Variants in FHIT observed in about 807,000 individuals in gnomAD.
The protein encoded by FHIT is bis(5'-adenosyl)-triphosphatase.
Under a neutral mutation model 17.9 loss-of-function variants are expected in FHIT, and 19 were observed. That is an observed-to-expected ratio of 1.06 (90% confidence interval 0.74 to 1.56). The LOEUF is 1.56. Ranked by LOEUF, FHIT falls within the 40% of genes most tolerant of loss-of-function variation. The pLI is 0.00. For missense variants in FHIT, 248 were observed against 189.2 expected (o/e 1.31, Z -1.82); for synonymous variants, 81 against 69.7 (o/e 1.16, Z -0.81).
At chr3:60,590,779 G>T (rs782582611) in intron 4 of FHIT, among the ~76,000 whole-genome samples, 1 of 152,066 alleles carries the variant, frequency 6.6e-6, no homozygotes, top group Non-Finnish European at 1.5e-5. Context: ...CAGAGACCCT[G>T]CACTCGAGTT....
chr3:59,946,943 T>C lies in FHIT; in HGVS notation c.280-24529A>G, dbSNP rs531039356. Reference sequence around the variant, plus strand: ...ATTTGGTTGCGGATTTTTATATCTATGTTCATCAAAGATACTGGCCTGAAC... The same window carrying C: ...ATTTGGTTGCGGATTTTTATATCTACGTTCATCAAAGATACTGGCCTGAAC... On this transcript the variant is annotated intron_variant, in intron 7 of 9. Transcript: ENST00000492590. Among the ~76,000 whole-genome samples the C allele has an allele frequency of 1.9e-4, 29 of 152,354 alleles. No homozygotes were observed. The South Asian group carries it at 6.0e-3, about 32-fold the overall frequency.
chr3:60,667,797 C>T (rs1553692842), intron 4 of FHIT, among the ~76,000 whole-genome samples: 1 of 152,122 alleles, frequency 6.6e-6, no homozygotes, highest in Non-Finnish European at 1.5e-5. Context: ...CTACTTTTAT[C>T]AGCTGTGGCT....
intron 8 of FHIT, among the ~76,000 whole-genome samples, chr3:59,882,606 A>G (rs918734004): frequency 2.0e-5 from 3 of 152,180 alleles, no homozygotes; most frequent in South Asian, 4.1e-4. Flanking sequence ...GAAGTCTGGC[A>G]AGGAAAGTAG....
At chr3:60,885,701 T>C (rs1705191864) in intron 3 of FHIT, among the ~76,000 whole-genome samples, 1 of 152,146 alleles carries the variant, frequency 6.6e-6, no homozygotes, top group Non-Finnish European at 1.5e-5. Context: ...TTCTGATACA[T>C]CATGAGCTTA....
chr3:59,948,515 TA>T (rs550720543), intron 7 of FHIT, among the ~76,000 whole-genome samples: 1,632 of 150,422 alleles, frequency 0.011, 32 homozygotes, highest in African/African-American at 0.038. Flanking sequence ...AGATTCTGTC[TA>T]AAAAAAATAA....
At chr3:60,476,175 G>A (rs890726819) in intron 5 of FHIT, among the ~76,000 whole-genome samples, 4 of 152,140 alleles carry the variant, frequency 2.6e-5, no homozygotes, top group Non-Finnish European at 4.4e-5. Context: ...GTTATTTAAC[G>A]TACCTGAGCC....
chr3:60,864,432 T>C (rs1229243359), intron 3 of FHIT, among the ~76,000 whole-genome samples: 1 of 152,242 alleles, frequency 6.6e-6, no homozygotes, highest in East Asian at 1.9e-4. Flanking sequence ...CATTGTGCTG[T>C]CTCTCATTGC....
intron 5 of FHIT, among the ~76,000 whole-genome samples, chr3:60,064,433 AT>A (rs1388824617): frequency 6.6e-6 from 1 of 152,174 alleles, no homozygotes; most frequent in African/African-American, 2.4e-5. Flanking sequence ...TCTATCTTGC[AT>A]TTGAAAATAT....
chr3:61,209,456 A>G (rs951733880), intron 1 of FHIT, among the ~76,000 whole-genome samples: 5 of 152,214 alleles, frequency 3.3e-5, no homozygotes, highest in African/African-American at 7.2e-5. Context: ...AGGTACACCA[A>G]TCAGACATAG....
At chr3:59,754,052 C>A (rs1701068454) in intron 8 of FHIT, among the ~76,000 whole-genome samples, 1 of 151,984 alleles carries the variant, frequency 6.6e-6, no homozygotes, top group Non-Finnish European at 1.5e-5. Context: ...CTATCTCAGG[C>A]CCCAAACTCT....
At chr3:60,327,389 C>G (rs1460373641) in intron 5 of FHIT, among the ~76,000 whole-genome samples, 1 of 152,204 alleles carries the variant, frequency 6.6e-6, no homozygotes, top group Non-Finnish European at 1.5e-5. Flanking sequence ...GCCATACAAT[C>G]TCTGCTGTGC....
chr3:60,643,646 G>C (rs1223531198), intron 4 of FHIT, among the ~76,000 whole-genome samples: 5 of 152,130 alleles, frequency 3.3e-5, no homozygotes, highest in African/African-American at 9.7e-5. Context: ...ATAGGTTTTA[G>C]ATATGTCAAA....
At chr3:60,572,467 T>C (rs892260429) in intron 4 of FHIT, among the ~76,000 whole-genome samples, 2 of 152,112 alleles carry the variant, frequency 1.3e-5, no homozygotes, top group Non-Finnish European at 2.9e-5. Context: ...AAAAAGAGAC[T>C]GTTGATAACA....
At chr3:59,791,798 G>A (rs1289633522) in intron 8 of FHIT, among the ~76,000 whole-genome samples, 1 of 152,150 alleles carries the variant, frequency 6.6e-6, no homozygotes, top group Non-Finnish European at 1.5e-5. Context: ...TAAGGGCTAT[G>A]TATCTTTTGG....
intron 5 of FHIT, among the ~76,000 whole-genome samples, chr3:60,390,414 A>C (rs1559876166): frequency 2.4e-5 from 3 of 127,180 alleles, no homozygotes; most frequent in East Asian, 2.4e-4. Context: ...AAAAAAAAAA[A>C]AAAAAAAAAA....
At chr3:59,992,844 G>C (rs1699345355) in intron 7 of FHIT, among the ~76,000 whole-genome samples, 2 of 152,000 alleles carry the variant, frequency 1.3e-5, no homozygotes, top group African/African-American at 4.8e-5. Flanking sequence ...TAAAGACTCA[G>C]GTTCCAGATA....
chr3:60,630,946 A>C (rs1332239727), intron 4 of FHIT, among the ~76,000 whole-genome samples: 11 of 108,434 alleles, frequency 1.0e-4, no homozygotes, highest in East Asian at 6.2e-4. Context: ...AAAAAAAAAA[A>C]AAAAAAAAAA....
intron 2 of FHIT, among the ~76,000 whole-genome samples, chr3:61,125,934 G>A (rs1297175010): frequency 6.6e-6 from 1 of 152,208 alleles, no homozygotes; most frequent in South Asian, 2.1e-4. Flanking sequence ...TGTGAAGTAG[G>A]TATTACCTAT....
intron 2 of FHIT, among the ~76,000 whole-genome samples, chr3:61,128,086 G>A (rs1002307875): frequency 3.9e-5 from 6 of 152,218 alleles, no homozygotes; most frequent in African/African-American, 1.4e-4. Flanking sequence ...CTACAGACAA[G>A]GTACAATGCC....
Sources: allele counts gnomAD v4.1 joint callset (sites outside exome capture counted in the v4.1 genomes callset), GRCh38; gene constraint gnomAD v4.1.1; transcripts MANE v1.5; gene names NCBI Gene and HGNC (gene_info 2026-07-23, HGNC 2026-07-21).